The following CHST10 variants were observed in gnomAD, a reference collection of about 807,000 sequenced individuals.
The protein encoded by CHST10 is carbohydrate sulfotransferase 10.
CHST10 carries 24 observed loss-of-function variants against 34.7 expected under a neutral mutation model. The observed-to-expected ratio is 0.69, with a 90% confidence interval of 0.50 to 0.97. The LOEUF is 0.97. Ranked by LOEUF, CHST10 falls within the 50% of genes least tolerant of loss-of-function variation. The pLI, the probability that CHST10 is intolerant of heterozygous loss-of-function variation, is 0.00. For missense variants in CHST10, 402 were observed against 452.1 expected (o/e 0.89, Z 1.00); for synonymous variants, 161 against 169.3 (o/e 0.95, Z 0.38).
chr2:100,396,896 G>T (rs1243563998), intron 5 of CHST10, among the ~76,000 whole-genome samples: 3 of 152,150 alleles, frequency 2.0e-5, no homozygotes, highest in Non-Finnish European at 4.4e-5. Flanking sequence ...AATTCGATTT[G>T]CAGCCTCATT....
At chr2:100,396,104 C>T (rs1190138328) in intron 5 of CHST10, among the ~76,000 whole-genome samples, 2 of 152,254 alleles carry the variant, frequency 1.3e-5, no homozygotes, top group African/African-American at 4.8e-5. Context: ...CCAAGCACCA[C>T]ATGCCCCTGG....
intron 4 of CHST10, among the ~76,000 whole-genome samples, chr2:100,400,475 A>G (rs1239832166): frequency 6.6e-6 from 1 of 152,144 alleles, no homozygotes; most frequent in African/African-American, 2.4e-5. Flanking sequence ...CCTAGGCGCA[A>G]TCGATTCTCC....
chr2:100,396,471 T>C (rs551791556), intron 5 of CHST10, among the ~76,000 whole-genome samples: 2 of 152,172 alleles, frequency 1.3e-5, no homozygotes, highest in Non-Finnish European at 2.9e-5. Context: ...GTTAATCCGG[T>C]AGGGTTAAGA....
chr2:100,395,986 C>T (rs1398097141), intron 5 of CHST10, among the ~76,000 whole-genome samples: 1 of 152,214 alleles, frequency 6.6e-6, no homozygotes, highest in Non-Finnish European at 1.5e-5. Context: ...AACACTTACT[C>T]TACTCTGAGA....
rs1454505368 is a variant in CHST10, at chr2:100,392,995, G to A, written c.*250C>T. On this transcript the variant is annotated 3_prime_UTR_variant, in exon 7 of 7. Coordinates refer to ENST00000264249, the MANE Select transcript of CHST10 (RefSeq NM_004854.5). ...TCTTTAGCCTTTTCTCCCCTCTGAG[G>A]TGAGCAAAGGCCAGCGACATCCTAA... The A allele has an allele frequency of 7.4e-6, 4 of 540,106 alleles. No individual in the cohort carries two copies. Among genetic ancestry groups the A allele is most frequent in the Non-Finnish European group, 1.3e-5 (4 of 302,004 alleles). The allele number at this position is 540,106 out of a possible 1,614,324, so 33.5% of individuals were successfully genotyped here. A position where few individuals can be genotyped will look rare whatever the true frequency, so the allele number is the denominator to read the frequency against.
intron 2 of CHST10, among the ~76,000 whole-genome samples, chr2:100,412,089 T>C (rs1675866496): frequency 6.6e-6 from 1 of 152,208 alleles, no homozygotes; most frequent in Non-Finnish European, 1.5e-5. Context: ...GATGTCATGA[T>C]CTGATTTAAA....
intron 2 of CHST10, among the ~76,000 whole-genome samples, chr2:100,409,254 G>C (rs1675717179): frequency 6.6e-6 from 1 of 152,098 alleles, no homozygotes; most frequent in Admixed American, 6.5e-5. Context: ...CTAGTCTTCT[G>C]AAGGAATGTA....
intron 4 of CHST10, among the ~76,000 whole-genome samples, chr2:100,400,442 A>G (rs1675288105): frequency 1.3e-5 from 2 of 152,116 alleles, no homozygotes; most frequent in Admixed American, 1.3e-4. Context: ...GTCTCAGTAT[A>G]TTGCCCAGGC....
intron 3 of CHST10, among the ~76,000 whole-genome samples, chr2:100,403,250 T>C (rs931196579): frequency 1.3e-5 from 2 of 152,038 alleles, no homozygotes; most frequent in South Asian, 2.1e-4. Flanking sequence ...TCAGAACCAA[T>C]GAGGAAGTCA....
chr2:100,412,696 C>T (rs1675895447), intron 2 of CHST10, among the ~76,000 whole-genome samples: 1 of 152,190 alleles, frequency 6.6e-6, no homozygotes, highest in South Asian at 2.1e-4. Flanking sequence ...TCTCCCACCA[C>T]CTCCTTCCAT....
chr2:100,411,027 T>C (rs1166357220), intron 2 of CHST10, among the ~76,000 whole-genome samples: 1 of 151,954 alleles, frequency 6.6e-6, no homozygotes, highest in African/African-American at 2.4e-5. Context: ...ATATATGTAA[T>C]ACATAGAATA....
At chr2:100,397,010 C>A (rs1304898885) in intron 5 of CHST10, among the ~76,000 whole-genome samples, 1 of 152,164 alleles carries the variant, frequency 6.6e-6, no homozygotes, top group Non-Finnish European at 1.5e-5. Context: ...CCAGCCAACC[C>A]CTGCGAAGGC....
chr2:100,414,286 C>T (rs181128623), intron 2 of CHST10, among the ~76,000 whole-genome samples: 1 of 152,144 alleles, frequency 6.6e-6, no homozygotes, highest in East Asian at 1.9e-4. Flanking sequence ...TACTGACAAC[C>T]TCACCTCATA....
In CHST10 at chr2:100,392,864, T is replaced by C. The variant is rs1530031; in HGVS notation, c.*381A>G. The C allele has an allele frequency of 0.54, 115,954 of 216,150 alleles. 32,149 individuals are homozygous for C. The highest frequency in any genetic ancestry group is 0.79 in the East Asian group (7,523 of 9,532). 13.4% of individuals were successfully genotyped at this position (216,150 alleles called of 1,614,324 possible). ...CCACCAGTGATGGGTGAAGCCACCCTGACTAGCCAGGAGAACCTCAGGGGC... is the reference window on the plus strand; with the variant it reads ...CCACCAGTGATGGGTGAAGCCACCCCGACTAGCCAGGAGAACCTCAGGGGC... On this transcript the variant is annotated 3_prime_UTR_variant, in exon 7 of 7. Transcript: ENST00000264249.
intron 1 of CHST10, among the ~76,000 whole-genome samples, chr2:100,415,488 C>A (rs1375090350): frequency 6.6e-6 from 1 of 152,166 alleles, no homozygotes; most frequent in Non-Finnish European, 1.5e-5. Flanking sequence ...GTACTCCTTA[C>A]ACCTTTAGCA....
chr2:100,397,787 G>A, intron 5 of CHST10, 121 bp downstream of exon 5: 2 of 740,668 alleles, frequency 2.7e-6, no homozygotes, highest in Admixed American at 2.9e-5. Flanking sequence ...TGTCTGGACG[G>A]CCACCAGTCC....
At chr2:100,411,774 G>T (rs7585713) in intron 2 of CHST10, among the ~76,000 whole-genome samples, 21,169 of 152,160 alleles carry the variant, frequency 0.14, 3,581 homozygotes, top group African/African-American at 0.4. Flanking sequence ...AAGGAAAGAA[G>T]CTATCTGAGG....
intron 5 of CHST10, among the ~76,000 whole-genome samples, chr2:100,396,358 G>A (rs1481357605): frequency 2.6e-5 from 4 of 152,222 alleles, no homozygotes; most frequent in African/African-American, 4.8e-5. Flanking sequence ...GTTGGTGGCT[G>A]AGCAGGTTTT....
At chr2:100,410,969 T>C (rs1573199025) in intron 2 of CHST10, among the ~76,000 whole-genome samples, 2 of 152,244 alleles carry the variant, frequency 1.3e-5, no homozygotes, top group South Asian at 2.1e-4. Context: ...AAAAAAATCA[T>C]GTATGTGTGA....
Sources: allele counts gnomAD v4.1 joint callset (sites outside exome capture counted in the v4.1 genomes callset), GRCh38; gene constraint gnomAD v4.1.1; transcripts MANE v1.5; gene names NCBI Gene and HGNC (gene_info 2026-07-23, HGNC 2026-07-21).